The following POLR1C variants were observed in gnomAD, a reference collection of about 807,000 sequenced individuals.
The protein encoded by POLR1C is RNA polymerase I and III subunit C, also known as DNA-directed RNA polymerases I and III subunit RPAC1.
A neutral mutation model predicts 38.3 loss-of-function variants in POLR1C; 42 were observed. The ratio of observed to expected loss-of-function variants is 1.10; its 90% CI spans 0.86 to 1.42. The LOEUF (loss-of-function observed/expected upper bound fraction) is 1.42, where lower values mean the gene tolerates loss of function less well. POLR1C is among the 40% of genes most tolerant of loss of function. The pLI is 0.00. For synonymous variants in POLR1C, 163 were observed against 163.9 expected (o/e 0.99, Z 0.04); for missense variants, 507 against 450.5 (o/e 1.13, Z -1.14).
In POLR1C at chr6:43,521,459, C is replaced by G; in HGVS notation, c.*159C>G. On this transcript the variant is annotated 3_prime_UTR_variant, in exon 9 of 9. Transcript: ENST00000642195. ...TTGTTAAATGTGCCATAAAATGAGA[C>G]TTTTTACGCCTTTATAAGGCCTTAG... The G allele has an allele frequency of 6.8e-7, 1 of 1,474,122 alleles. No homozygotes were observed. The highest frequency in any genetic ancestry group is 9.0e-7 in the Non-Finnish European group (1 of 1,113,244). The allele number at this position is 1,474,122 out of a possible 1,614,324, so 91.3% of individuals were successfully genotyped here.
At chr6:43,553,282 A>G in intron 10 of POLR1C, 1 of 1,446,410 alleles carries the variant, frequency 6.9e-7, no homozygotes, top group Non-Finnish European at 9.2e-7. Flanking sequence ...AGCCTGAGCA[A>G]CAGAGAGATA....
intron 9 of POLR1C, among the ~76,000 whole-genome samples, chr6:43,538,380 G>C (rs1794483493): frequency 6.6e-6 from 1 of 151,880 alleles, no homozygotes; most frequent in South Asian, 2.1e-4. Context: ...CAAACTCTTA[G>C]CCTCAAGGAT....
At chr6:43,536,634 C>T (rs1794340315) in intron 9 of POLR1C, among the ~76,000 whole-genome samples, 1 of 151,228 alleles carries the variant, frequency 6.6e-6, no homozygotes, top group Admixed American at 6.6e-5. Flanking sequence ...TGGCACACGC[C>T]TGTAAATCCC....
chr6:43,547,530 TA>T, intron 9 of POLR1C: 1 of 1,361,680 alleles, frequency 7.3e-7, no homozygotes, highest in Non-Finnish European at 1.0e-6. Context: ...AAAACAAATC[TA>T]TGAGAAACTT....
At chr6:43,555,379 C>T (rs1193349401) in intron 10 of POLR1C, 1 of 154,004 alleles carries the variant, frequency 6.5e-6, no homozygotes, top group Non-Finnish European at 1.4e-5. Context: ...AGTATAATTT[C>T]ACAAAAGCTT....
Position 43,520,382 on chromosome 6 carries a change from C to A in POLR1C, c.610C>A (p.Pro204Thr). 1 of 1,613,838 alleles carries A rather than the reference C, an allele frequency of 6.2e-7. No homozygotes were observed. Among genetic ancestry groups the A allele is most frequent in the Non-Finnish European group, 8.5e-7 (1 of 1,180,028 alleles). The change falls in exon 6 of 9, where the codon CCT becomes ACT. Residue 204 changes from proline (P) to threonine (T), a missense_variant. By Grantham distance (38) the Pro-to-Thr change is conservative (BLOSUM62 -1). Coordinates refer to ENST00000642195, the MANE Select transcript of POLR1C (RefSeq NM_203290.4). ...HDDILIAQLR[P>T]GQEIDLLMHC... ...TGATATCCTCATCGCTCAGCTGCGG[C>A]CTGGCCAAGAAATTGACCTGCTCAT...
chr6:43,548,748 CTA>C (rs1318463632), intron 9 of POLR1C, among the ~76,000 whole-genome samples: 5 of 149,886 alleles, frequency 3.3e-5, no homozygotes, highest in East Asian at 1.9e-4. Flanking sequence ...ATATGTATAT[CTA>C]TATATATATG....
At chr6:43,549,570 T>G in intron 9 of POLR1C, 1 of 1,613,214 alleles carries the variant, frequency 6.2e-7, no homozygotes, top group Non-Finnish European at 8.5e-7. Flanking sequence ...CTGCCCGGGT[T>G]CTGGGGGCCT....
At chr6:43,531,385 T>TAA, downstream of POLR1C, 1 of 1,157,538 alleles carries the variant, frequency 8.6e-7, no homozygotes, top group Non-Finnish European at 1.3e-6. Flanking sequence ...TGCCTCGCCT[T>TAA]ACCTGTACAC....
At chr6:43,547,085 C>T (rs1795000829) in intron 9 of POLR1C, among the ~76,000 whole-genome samples, 1 of 152,182 alleles carries the variant, frequency 6.6e-6, no homozygotes, top group East Asian at 1.9e-4. Flanking sequence ...GCCATCACTT[C>T]ATCTTCTTTG....
chr6:43,530,993 T>A (rs1029373413), downstream of POLR1C, among the ~76,000 whole-genome samples: 1 of 152,208 alleles, frequency 6.6e-6, no homozygotes, highest in Non-Finnish European at 1.5e-5. Context: ...AAGACAGATG[T>A]TGGTGGCCGA....
At chr6:43,521,927 C>T (rs1421845339), downstream of POLR1C, among the ~76,000 whole-genome samples, 2 of 152,164 alleles carry the variant, frequency 1.3e-5, no homozygotes, top group African/African-American at 4.8e-5. Flanking sequence ...GTTTCAAAAA[C>T]AACAGAAAGA....
downstream of POLR1C, chr6:43,524,123 G>A (rs1331753950): frequency 1.5e-5 from 22 of 1,425,562 alleles, no homozygotes; most frequent in African/African-American, 7.1e-5. Context: ...AGGCCAAGGC[G>A]GGTGGATCAC....
chr6:43,547,258 A>C (rs1028482864), intron 9 of POLR1C: 3 of 380,542 alleles, frequency 7.9e-6, no homozygotes, highest in Non-Finnish European at 1.5e-5. Context: ...TCAGGTTTGC[A>C]AGTTAAGCCA....
intron 10 of POLR1C, among the ~76,000 whole-genome samples, chr6:43,553,974 C>T (rs1188952890): frequency 6.6e-6 from 1 of 152,192 alleles, no homozygotes; most frequent in African/African-American, 2.4e-5. Context: ...CAAAATACTG[C>T]TTCACATCCA....
At chr6:43,535,263 AAAC>A (rs200414208) in intron 9 of POLR1C, among the ~76,000 whole-genome samples, 13,808 of 151,410 alleles carry the variant, frequency 0.091, 1,222 homozygotes, top group African/African-American at 0.23. Context: ...CTGTCTCAAA[AAAC>A]AACAACAACA....
At chr6:43,557,504 G>A (rs1762161213) in intron 10 of POLR1C, among the ~76,000 whole-genome samples, 2 of 152,260 alleles carry the variant, frequency 1.3e-5, no homozygotes, top group Admixed American at 1.3e-4. Flanking sequence ...AAAGAAGGCA[G>A]TCACAATAGA....
chr6:43,521,013 TTG>T lies in POLR1C; in HGVS notation c.890_891del (p.Val297GlufsTer14), dbSNP rs1793147643. The T allele has an allele frequency of 1.2e-6, 2 of 1,614,094 alleles. No homozygotes were observed. Among genetic ancestry groups the T allele is most frequent in the Non-Finnish European group, 8.5e-7 (1 of 1,179,998 alleles). Reference sequence around the variant, plus strand: ...TTCCGGAATGAGAAGCTAAAGAAGGTTGTGAGGCTTGCCCGGGTTCGAGATCA... The same window carrying T: ...TTCCGGAATGAGAAGCTAAAGAAGGTTGAGGCTTGCCCGGGTTCGAGATCA... On this transcript the variant is annotated frameshift_variant, in exon 8 of 9. Transcript: ENST00000642195. LOFTEE classifies it high-confidence loss of function.
rs1222694952 is a variant in POLR1C at position 43,543,029 on chromosome 6, C to CA, written c.*5-7931dup. Among the ~76,000 whole-genome samples the CA allele has an allele frequency of 2.6e-5, 4 of 151,332 alleles. No individual in the cohort carries two copies. The East Asian group carries it at 5.8e-4, about 22-fold the overall frequency. On this transcript the variant is annotated intron_variant, in intron 9 of 10. Coordinates refer to the POLR1C transcript ENST00000607635. ...TGAAGTATCATACAAGCAAGGAGAACAAAAAAAACACAAGTACATTCATGC... is the reference window on the plus strand; with the variant it reads ...TGAAGTATCATACAAGCAAGGAGAACAAAAAAAAACACAAGTACATTCATGC...
Sources: gnomAD v4.1 joint callset for allele counts (sites outside exome capture counted in the v4.1 genomes callset) on GRCh38, gnomAD v4.1.1 for gene constraint, MANE v1.5 for transcripts, NCBI Gene and HGNC (gene_info 2026-07-23, HGNC 2026-07-21) for gene names.